FAM117A: variants seen among roughly 807,000 people sequenced by gnomAD.
FAM117A encodes the protein protein FAM117A.
FAM117A carries 21 observed loss-of-function variants against 44.1 expected under a neutral mutation model. The ratio of observed to expected loss-of-function variants is 0.48; its 90% CI spans 0.34 to 0.69. The LOEUF is 0.69. FAM117A is among the 30% of genes least tolerant of loss of function. The pLI is 0.01. For synonymous variants in FAM117A, 220 were observed against 238.3 expected (o/e 0.92, Z 0.71); for missense variants, 498 against 589.9 (o/e 0.84, Z 1.61).
intron 1 of FAM117A, among the ~76,000 whole-genome samples, chr17:49,737,884 C>G (rs77165092): frequency 0.011 from 1,699 of 152,320 alleles, 34 homozygotes; most frequent in East Asian, 0.11. Context: ...TCCAACTACT[C>G]ACTGAGGCTC....
chr17:49,739,972 C>T (rs1000857674), intron 1 of FAM117A, among the ~76,000 whole-genome samples: 25 of 152,232 alleles, frequency 1.6e-4, no homozygotes, highest in Admixed American at 7.2e-4. Flanking sequence ...GGTTCTTGAG[C>T]AACGGCAAAT....
At chr17:49,756,709 A>G (rs1349366426) in intron 1 of FAM117A, among the ~76,000 whole-genome samples, 3 of 151,970 alleles carry the variant, frequency 2.0e-5, no homozygotes, top group Admixed American at 2.0e-4. Flanking sequence ...TGAGGTCAGG[A>G]GTTCGAGACC....
At chr17:49,727,700 G>A (rs933881333) in intron 2 of FAM117A, among the ~76,000 whole-genome samples, 2 of 152,146 alleles carry the variant, frequency 1.3e-5, no homozygotes, top group Admixed American at 6.5e-5. Flanking sequence ...AGGAGGGGCG[G>A]GATGAAGCTG....
chr17:49,740,696 G>C (rs2073630959), intron 1 of FAM117A, among the ~76,000 whole-genome samples: 1 of 152,130 alleles, frequency 6.6e-6, no homozygotes, highest in Non-Finnish European at 1.5e-5. Flanking sequence ...AGACCCCCAG[G>C]GGATACTCCC....
chr17:49,721,651 T>G (rs937870948), intron 3 of FAM117A, among the ~76,000 whole-genome samples: 1 of 152,236 alleles, frequency 6.6e-6, no homozygotes, highest in Admixed American at 6.5e-5. Flanking sequence ...CCACACAGCA[T>G]GTCAGGAGGA....
chr17:49,781,171 C>T (rs2073788575), intron 1 of FAM117A, among the ~76,000 whole-genome samples: 1 of 152,144 alleles, frequency 6.6e-6, no homozygotes, highest in African/African-American at 2.4e-5. Flanking sequence ...GTAGCTCAGA[C>T]AAAGCATCTC....
intron 1 of FAM117A, among the ~76,000 whole-genome samples, chr17:49,737,463 C>T (rs1011681599): frequency 1.3e-5 from 2 of 152,162 alleles, no homozygotes; most frequent in Non-Finnish European, 2.9e-5. Context: ...AAGTGATTGG[C>T]ATAAGGGGTA....
chr17:49,716,467 T>A, intron 6 of FAM117A, 152 bp from the exon 7 acceptor site: 1 of 599,954 alleles, frequency 1.7e-6, no homozygotes, highest in Non-Finnish European at 2.7e-6. Context: ...ATACTCTACC[T>A]TAAAAACCTT....
intron 4 of FAM117A, 156 bp from the exon 5 acceptor site, chr17:49,720,050 G>T: frequency 1.8e-6 from 2 of 1,094,368 alleles, no homozygotes; most frequent in Non-Finnish European, 2.5e-6. Flanking sequence ...TCCACTCAGG[G>T]CAGTTTTCTC....
At chr17:49,778,585 G>T (rs1307110404) in intron 1 of FAM117A, among the ~76,000 whole-genome samples, 1 of 152,226 alleles carries the variant, frequency 6.6e-6, no homozygotes, top group African/African-American at 2.4e-5. Flanking sequence ...AGAGTGACCA[G>T]AATTAGGCGC....
upstream of FAM117A, chr17:49,788,684 G>A (rs1387892715): frequency 3.7e-6 from 3 of 819,316 alleles, no homozygotes; most frequent in East Asian, 6.6e-5. Flanking sequence ...CGCCTGCGCA[G>A]AACGCTCCAG....
intron 3 of FAM117A, among the ~76,000 whole-genome samples, chr17:49,721,173 A>T (rs2073532473): frequency 6.6e-6 from 1 of 152,224 alleles, no homozygotes; most frequent in Admixed American, 6.5e-5. Flanking sequence ...ACACTCAAGA[A>T]GGGGATATTG....
Position 49,749,944 on chromosome 17 carries a change from A to T in FAM117A, c.196+13948T>A, listed in dbSNP as rs1225546384. On this transcript the variant is annotated intron_variant, in intron 1 of 7. Coordinates refer to ENST00000240364, the MANE Select transcript of FAM117A (RefSeq NM_030802.4). ...TATGTGAACTCAGACTGATCACTTA[A>T]CTTCTCTGGGTGTCAGTTGTTCCAT... Among the ~76,000 whole-genome samples, 3 of 148,680 alleles carry T rather than the reference A, an allele frequency of 2.0e-5. No individual in the cohort carries two copies. In the South Asian group the frequency reaches 6.3e-4, roughly 31 times the overall value.
chr17:49,725,949 C>CA (rs1312664904), intron 2 of FAM117A, among the ~76,000 whole-genome samples: 2 of 152,142 alleles, frequency 1.3e-5, no homozygotes, highest in African/African-American at 4.8e-5. Flanking sequence ...GATGTGGCTG[C>CA]AAGCCAAGGA....
chr17:49,761,012 T>A (rs951205295), intron 1 of FAM117A, among the ~76,000 whole-genome samples: 2 of 152,240 alleles, frequency 1.3e-5, no homozygotes, highest in African/African-American at 4.8e-5. Context: ...ACATACCTTA[T>A]GATGAATGGT....
rs2073509187 is a variant in FAM117A, at chr17:49,717,390, T to C, written c.910+123A>G. The C allele has an allele frequency of 6.9e-6, 5 of 725,388 alleles. No individual in the cohort carries two copies. The Admixed American group carries it at 1.1e-4, about 16-fold the overall frequency. 44.9% of individuals were successfully genotyped at this position (725,388 alleles called of 1,614,324 possible). A position where few individuals can be genotyped will look rare whatever the true frequency, so the allele number is the denominator to read the frequency against. ...GTATAATGTGCAGAAGAAAGATGAC[T>C]CATAAAGATATTCTAGTAGGGTACT... On this transcript the variant is annotated intron_variant, in intron 6 of 7. Transcript: ENST00000240364.
At chr17:49,757,810 G>A (rs1298509457) in intron 1 of FAM117A, among the ~76,000 whole-genome samples, 1 of 152,162 alleles carries the variant, frequency 6.6e-6, no homozygotes, top group Non-Finnish European at 1.5e-5. Flanking sequence ...ATTGAACCTA[G>A]ACGAAGGGGG....
At chr17:49,751,345 C>T (rs1188454229) in intron 1 of FAM117A, among the ~76,000 whole-genome samples, 1 of 150,808 alleles carries the variant, frequency 6.6e-6, no homozygotes, top group East Asian at 1.9e-4. Context: ...CTTTGGGAGG[C>T]CCAGGCAGGT....
At chr17:49,723,331 G>A (rs1372002026) in intron 2 of FAM117A, among the ~76,000 whole-genome samples, 2 of 152,160 alleles carry the variant, frequency 1.3e-5, no homozygotes, top group African/African-American at 4.8e-5. Flanking sequence ...AGGGCCCTCA[G>A]TGTGCATCTT....
Sources: allele counts gnomAD v4.1 joint callset (sites outside exome capture counted in the v4.1 genomes callset), GRCh38; gene constraint gnomAD v4.1.1; transcripts MANE v1.5; gene names NCBI Gene and HGNC (gene_info 2026-07-23, HGNC 2026-07-21).